Variants in ADAMTSL1 observed in about 807,000 individuals in gnomAD.
The protein encoded by ADAMTSL1 is ADAMTS like 1, also known as ADAMTS-like protein 1.
In ADAMTSL1, 126 loss-of-function variants were observed where a neutral mutation model predicts 201.8. The ratio of observed to expected loss-of-function variants is 0.62; its 90% CI spans 0.54 to 0.72. ADAMTSL1 has a LOEUF of 0.72. Among genes scored for constraint, ADAMTSL1 ranks in the 30% least tolerant of loss-of-function variants. ADAMTSL1 has a pLI of 0.00. For synonymous variants in ADAMTSL1, 1,121 were observed against 903.4 expected (o/e 1.24, Z -4.32); for missense variants, 2,679 against 2,277.8 (o/e 1.18, Z -3.59).
intron 4 of ADAMTSL1, among the ~76,000 whole-genome samples, chr9:18,614,084 T>C (rs1298019806): frequency 6.6e-6 from 1 of 152,110 alleles, no homozygotes; most frequent in Non-Finnish European, 1.5e-5. Context: ...AAAGTGTTTG[T>C]TGTGTTTGAA....
At chr9:18,081,555 C>G (rs771456024) in intron 1 of ADAMTSL1, among the ~76,000 whole-genome samples, 2 of 151,990 alleles carry the variant, frequency 1.3e-5, no homozygotes, top group Non-Finnish European at 2.9e-5. Flanking sequence ...TAAAATCACT[C>G]GAGCTGAATG....
intron 3 of ADAMTSL1, among the ~76,000 whole-genome samples, chr9:18,567,998 G>T (rs1312157792): frequency 6.6e-6 from 1 of 152,104 alleles, no homozygotes; most frequent in Non-Finnish European, 1.5e-5. Context: ...ACAACATGCT[G>T]TAATAAAACT....
intron 23 of ADAMTSL1, among the ~76,000 whole-genome samples, chr9:18,870,088 T>C (rs1004742182): frequency 1.3e-5 from 2 of 152,184 alleles, no homozygotes; most frequent in Non-Finnish European, 2.9e-5. Flanking sequence ...GTTTTTATAG[T>C]TTCTACTTGT....
At chr9:18,584,318 G>T (rs796164842) in intron 4 of ADAMTSL1, among the ~76,000 whole-genome samples, 7 of 151,518 alleles carry the variant, frequency 4.6e-5, no homozygotes, top group African/African-American at 1.7e-4. Flanking sequence ...CTCTTCTTTT[G>T]TCTGCCACCA....
chr9:18,012,400 G>A (rs1820087538), intron 1 of ADAMTSL1, among the ~76,000 whole-genome samples: 1 of 152,088 alleles, frequency 6.6e-6, no homozygotes, highest in African/African-American at 2.4e-5. Flanking sequence ...CAAGAGATCA[G>A]CCCTTGAGTC....
intron 23 of ADAMTSL1, among the ~76,000 whole-genome samples, chr9:18,869,847 AG>A (rs1827776889): frequency 6.6e-6 from 1 of 152,172 alleles, no homozygotes; most frequent in African/African-American, 2.4e-5. Flanking sequence ...AAATTTGGGA[AG>A]TTTGAGGATT....
At chr9:18,240,341 C>T (rs1366046189) in intron 2 of ADAMTSL1, among the ~76,000 whole-genome samples, 2 of 147,654 alleles carry the variant, frequency 1.4e-5, no homozygotes, top group East Asian at 2.0e-4. Flanking sequence ...TAAAATGAAT[C>T]TTTTTTTTTT....
intron 4 of ADAMTSL1, among the ~76,000 whole-genome samples, chr9:18,596,690 T>A (rs1824283619): frequency 6.6e-6 from 1 of 152,122 alleles, no homozygotes; most frequent in Non-Finnish European, 1.5e-5. Context: ...GAAAATGAGG[T>A]TATGAGAGAT....
chr9:18,518,347 T>G (rs113381633), intron 2 of ADAMTSL1, among the ~76,000 whole-genome samples: 3,518 of 152,196 alleles, frequency 0.023, 153 homozygotes, highest in African/African-American at 0.08. Context: ...TTTCCATCTT[T>G]ATGTCCATGT....
At chr9:18,041,222 T>G (rs929789731) in intron 1 of ADAMTSL1, among the ~76,000 whole-genome samples, 3 of 152,188 alleles carry the variant, frequency 2.0e-5, no homozygotes, top group Non-Finnish European at 4.4e-5. Flanking sequence ...TGCCCTGTCA[T>G]TTGGAATAAA....
intron 2 of ADAMTSL1, among the ~76,000 whole-genome samples, chr9:18,212,797 A>T (rs575072143): frequency 6.6e-6 from 1 of 152,178 alleles, no homozygotes; most frequent in Non-Finnish European, 1.5e-5. Context: ...GTGGACGATA[A>T]CCCTTAGGTC....
At chr9:18,647,096 C>A (rs759697805) in intron 7 of ADAMTSL1, among the ~76,000 whole-genome samples, 1 of 151,540 alleles carries the variant, frequency 6.6e-6, no homozygotes, top group Non-Finnish European at 1.5e-5. Context: ...AGAGATTCAA[C>A]TTCTTCCTGG....
At chr9:17,995,331 C>T (rs567120358) in intron 1 of ADAMTSL1, among the ~76,000 whole-genome samples, 1 of 152,162 alleles carries the variant, frequency 6.6e-6, no homozygotes, top group East Asian at 1.9e-4. Context: ...GGGAGGTATT[C>T]TTTGAAGGTA....
In ADAMTSL1 at chr9:18,198,931, A is replaced by C. The variant is rs535931020; in HGVS notation, c.207+34950A>C. Among the ~76,000 whole-genome samples, 28 of 142,512 alleles carry C rather than the reference A, an allele frequency of 2.0e-4. No individual in the cohort carries two copies. In the East Asian group the frequency reaches 5.7e-3, roughly 29 times the overall value. The allele number at this position is 142,512 out of a possible 152,430, so 93.5% of individuals were successfully genotyped here. ...ACACCATGGAATACTATGCAGCCAT[A>C]AAAAATGATGAGTTCATGTCCTTTG... On this transcript the variant is annotated intron_variant, in intron 2 of 29. Transcript: ENST00000680146.
intron 2 of ADAMTSL1, among the ~76,000 whole-genome samples, chr9:18,316,104 T>A (rs891241385): frequency 6.6e-6 from 1 of 152,054 alleles, no homozygotes; most frequent in African/African-American, 2.4e-5. Context: ...TATTAGGGAT[T>A]TTCAAAAGGG....
At chr9:18,026,420 A>G (rs1053146708) in intron 1 of ADAMTSL1, among the ~76,000 whole-genome samples, 1 of 151,940 alleles carries the variant, frequency 6.6e-6, no homozygotes, top group African/African-American at 2.4e-5. Flanking sequence ...TTGTTGAAGG[A>G]TACTGGATTT....
At chr9:18,332,907 G>A (rs1017049709) in intron 2 of ADAMTSL1, among the ~76,000 whole-genome samples, 1 of 152,144 alleles carries the variant, frequency 6.6e-6, no homozygotes, top group Non-Finnish European at 1.5e-5. Context: ...ACCTGCATGA[G>A]CTTAACGAGC....
chr9:18,181,287 G>C (rs1448031376), intron 2 of ADAMTSL1, among the ~76,000 whole-genome samples: 1 of 152,078 alleles, frequency 6.6e-6, no homozygotes, highest in Non-Finnish European at 1.5e-5. Context: ...TTGACAAATG[G>C]GATCTCATTA....
chr9:18,452,413 C>T (rs942042374), intron 2 of ADAMTSL1, among the ~76,000 whole-genome samples: 1 of 152,270 alleles, frequency 6.6e-6, no homozygotes, highest in South Asian at 2.1e-4. Context: ...TGTCACTAAT[C>T]CCCGAAGTCA....
Sources: gnomAD v4.1 joint callset for allele counts (sites outside exome capture counted in the v4.1 genomes callset) on GRCh38, gnomAD v4.1.1 for gene constraint, MANE v1.5 for transcripts, NCBI Gene and HGNC (gene_info 2026-07-23, HGNC 2026-07-21) for gene names.